The following PATJ variants were observed in gnomAD, a reference collection of about 807,000 sequenced individuals.
The protein encoded by PATJ is PATJ crumbs cell polarity complex component.
In PATJ, 190 loss-of-function variants were observed where a neutral mutation model predicts 224.9. The observed-to-expected ratio is 0.84, with a 90% confidence interval of 0.75 to 0.95. The LOEUF (loss-of-function observed/expected upper bound fraction) is 0.95, where lower values mean the gene tolerates loss of function less well. Among genes scored for constraint, PATJ ranks in the 40% least tolerant of loss-of-function variants. The pLI, the probability that PATJ is intolerant of heterozygous loss-of-function variation, is 0.00. For synonymous variants in PATJ, 769 were observed against 820.3 expected (o/e 0.94, Z 1.07); for missense variants, 2,121 against 2,270.3 (o/e 0.93, Z 1.34).
chr1:61,867,509 G>A (rs1473645782), intron 20 of PATJ, among the ~76,000 whole-genome samples: 1 of 151,084 alleles, frequency 6.6e-6, no homozygotes, highest in Admixed American at 6.6e-5. Context: ...AGATGAAACA[G>A]TCAAATGTAT....
At chr1:61,796,883 T>C (rs1363426638) in intron 10 of PATJ, among the ~76,000 whole-genome samples, 1 of 149,522 alleles carries the variant, frequency 6.7e-6, no homozygotes, top group Non-Finnish European at 1.5e-5. Context: ...CCTCCTTCTA[T>C]CCTTGCTTCA....
At chr1:62,026,480 G>A (rs1209570335) in intron 29 of PATJ, among the ~76,000 whole-genome samples, 1 of 117,220 alleles carries the variant, frequency 8.5e-6, no homozygotes, top group Non-Finnish European at 1.6e-5. Context: ...GTGTGTGTGT[G>A]TGTGTGTCTG....
rs188820361 is a variant in PATJ, at chr1:62,096,155, C to G, written c.4377+11507C>G. The stretch of plus-strand genomic sequence containing the variant: ...TTTACCTGTTCAACTATGCAGCTGG[C>G]AAGCAAAACAACATGAAACAAGAAG... On this transcript the variant is annotated intron_variant, in intron 33 of 43. Coordinates refer to ENST00000642238, the MANE Select transcript of PATJ (RefSeq NM_001350145.3). 3.3e-3 allele frequency among the ~76,000 whole-genome samples: 508 copies of G among 152,204 alleles called. 7 individuals are homozygous for G. The highest frequency in any genetic ancestry group is 5.1e-3 in the Admixed American group (78 of 15,290).
At chr1:61,807,739 G>A (rs527808551) in intron 13 of PATJ, among the ~76,000 whole-genome samples, 54 of 152,302 alleles carry the variant, frequency 3.5e-4, no homozygotes, top group Admixed American at 1.1e-3. Flanking sequence ...CTGCTTATCT[G>A]AAATGCAGTA....
intron 7 of PATJ, among the ~76,000 whole-genome samples, chr1:61,783,774 GTGTTGCTC>G (rs1647910423): frequency 6.8e-6 from 1 of 146,816 alleles, no homozygotes; most frequent in Non-Finnish European, 1.5e-5. Flanking sequence ...CTGAGACAGG[GTGTTGCTC>G]TGTTGCTCAG....
At chr1:62,081,858 C>T (rs1558142732) in intron 32 of PATJ, among the ~76,000 whole-genome samples, 3 of 152,200 alleles carry the variant, frequency 2.0e-5, no homozygotes, top group Admixed American at 1.3e-4. Flanking sequence ...TGAGCCACCG[C>T]ACCCGACCTA....
At chr1:62,120,345 A>G (rs1182550315) in intron 37 of PATJ, among the ~76,000 whole-genome samples, 1 of 152,236 alleles carries the variant, frequency 6.6e-6, no homozygotes, top group Non-Finnish European at 1.5e-5. Context: ...AACAACTTTC[A>G]TCATAGAGTT....
chr1:62,053,650 T>G (rs1013974072), intron 31 of PATJ, among the ~76,000 whole-genome samples: 12 of 151,748 alleles, frequency 7.9e-5, no homozygotes, highest in Admixed American at 7.9e-4. Flanking sequence ...ACCTGGGAGA[T>G]GGAGGTTGCA....
chr1:61,839,072 G>A (rs185636838), intron 17 of PATJ, among the ~76,000 whole-genome samples: 4 of 152,154 alleles, frequency 2.6e-5, no homozygotes, highest in Non-Finnish European at 5.9e-5. Flanking sequence ...GTAGTATATG[G>A]TAGAACTGAA....
At chr1:61,937,677 C>T (rs1164776409) in intron 27 of PATJ, among the ~76,000 whole-genome samples, 3 of 127,328 alleles carry the variant, frequency 2.4e-5, no homozygotes, top group African/African-American at 5.7e-5. Flanking sequence ...TGAGACGGAG[C>T]GTTGCTCTTG....
intron 20 of PATJ, among the ~76,000 whole-genome samples, chr1:61,873,840 G>A (rs1403693138): frequency 6.6e-6 from 1 of 152,198 alleles, no homozygotes; most frequent in Non-Finnish European, 1.5e-5. Flanking sequence ...ATGGGGTGGA[G>A]CCACCAGGAA....
At chr1:61,863,503 G>A (rs1440628834) in intron 19 of PATJ, among the ~76,000 whole-genome samples, 1 of 152,096 alleles carries the variant, frequency 6.6e-6, no homozygotes, top group African/African-American at 2.4e-5. Context: ...CATTATGCCC[G>A]GCACCCAGAG....
At chr1:62,131,185 C>G (rs1175742045) in intron 41 of PATJ, among the ~76,000 whole-genome samples, 1 of 152,192 alleles carries the variant, frequency 6.6e-6, no homozygotes, top group African/African-American at 2.4e-5. Context: ...ACTCCTGGTC[C>G]TCACTTTCAG....
In PATJ at chr1:61,795,570, G is replaced by A. The variant is rs544796516; in HGVS notation, c.1260+12G>A. The A allele has an allele frequency of 8.4e-6, 13 of 1,545,032 alleles. No homozygotes were observed. The highest frequency in any genetic ancestry group is 3.4e-4 in the Middle Eastern group (2 of 5,928). ...ACAAAATAGTTGCTGTAAGTAACTC[G>A]CCTCTGTTTTAGGTTTGATTCTAGT... On this transcript the variant is annotated intron_variant, in intron 10 of 43. Transcript: ENST00000642238.
In PATJ at chr1:61,823,056, C is replaced by T. The variant is rs980334756; in HGVS notation, c.1795C>T (p.Gln599Ter). Residue 599 changes from glutamine to a stop codon, truncating the protein, a stop_gained, in exon 15 of 44, where the codon CAG becomes TAG. Transcript: ENST00000642238. LOFTEE classifies it high-confidence loss of function. ...TCCTGTTGATACATTGGGTCTCCTA[C>T]AGCCAGAAGATGAGCTGCTTGAGGT... ...GGPVDTLGLL[Q>*]PEDELLEVNG... 3 of 1,613,968 alleles carry T rather than the reference C, an allele frequency of 1.9e-6. No homozygotes were observed. Among genetic ancestry groups the T allele is most frequent in the Non-Finnish European group, 2.5e-6 (3 of 1,179,994 alleles).
At chr1:61,815,719 T>C (rs1470716793) in intron 14 of PATJ, among the ~76,000 whole-genome samples, 1 of 152,170 alleles carries the variant, frequency 6.6e-6, no homozygotes, top group African/African-American at 2.4e-5. Context: ...TCATATATTA[T>C]GGGCTAATGT....
chr1:61,829,872 T>C (rs988549050), intron 16 of PATJ, among the ~76,000 whole-genome samples: 1 of 152,224 alleles, frequency 6.6e-6, no homozygotes, highest in African/African-American at 2.4e-5. Context: ...GTATTAGCCA[T>C]TGGAACTTTA....
At chr1:61,767,358 A>AC (rs890960016) in intron 4 of PATJ, among the ~76,000 whole-genome samples, 33 of 151,614 alleles carry the variant, frequency 2.2e-4, no homozygotes, top group Admixed American at 4.0e-4. Flanking sequence ...ATGTAGGGAG[A>AC]CCCCCATCTC....
Position 61,894,273 on chromosome 1 carries a change from A to AC in PATJ, c.3132-5310_3132-5309insC, listed in dbSNP as rs71050179. 1.7e-4 allele frequency among the ~76,000 whole-genome samples: 23 copies of AC among 134,138 alleles called. No individual in the cohort carries two copies. The East Asian group carries it at 4.0e-3, about 23-fold the overall frequency. The allele number at this position is 134,138 out of a possible 152,430, so 88.0% of individuals were successfully genotyped here. On this transcript the variant is annotated intron_variant, in intron 22 of 43. Transcript: ENST00000642238. ...CTATCTCATAAAAAAAAAAAAACAC[A>AC]AAAAAAAAACAGAGAATTCTAAAAT...
Sources: allele counts gnomAD v4.1 joint callset (sites outside exome capture counted in the v4.1 genomes callset), GRCh38; gene constraint gnomAD v4.1.1; transcripts MANE v1.5; gene names NCBI Gene and HGNC (gene_info 2026-07-23, HGNC 2026-07-21).